The following DYSF variants were observed in gnomAD, a reference collection of about 807,000 sequenced individuals.
DYSF encodes the protein dystrophy-associated fer-1-like 1.
A neutral mutation model predicts 274.9 loss-of-function variants in DYSF; 212 were observed. The observed-to-expected ratio is 0.77, with a 90% CI of 0.69 to 0.86. The LOEUF is 0.86. Among genes scored for constraint, DYSF ranks in the 40% least tolerant of loss-of-function variants. The pLI is 0.00. For synonymous variants in DYSF, 1,091 were observed against 1,078.7 expected (o/e 1.01, Z -0.22); for missense variants, 2,666 against 2,783.2 (o/e 0.96, Z 0.95).
chr2:71,649,347 A>C (rs1053788050), intron 42 of DYSF, among the ~76,000 whole-genome samples: 1 of 152,138 alleles, frequency 6.6e-6, no homozygotes, highest in Non-Finnish European at 1.5e-5. Context: ...TGATAAAATA[A>C]ATACAGTGGA....
intron 42 of DYSF, among the ~76,000 whole-genome samples, chr2:71,651,916 A>C (rs1331396767): frequency 3.3e-5 from 5 of 152,230 alleles, no homozygotes; most frequent in Non-Finnish European, 5.9e-5. Flanking sequence ...GTTGGTGCTG[A>C]AAAGCATTCA....
chr2:71,613,507 C>A (rs944486649), intron 40 of DYSF, 97 bp downstream of exon 40: 94 of 1,045,716 alleles, frequency 9.0e-5, no homozygotes, highest in Non-Finnish European at 1.2e-4. Flanking sequence ...TATCACACAG[C>A]CTCTATACAC....
chr2:71,524,793 C>G (rs1277938693), intron 12 of DYSF, among the ~76,000 whole-genome samples: 1 of 152,246 alleles, frequency 6.6e-6, no homozygotes. Flanking sequence ...ATCCAGGTCT[C>G]AAGCTGGGAA....
At chr2:71,480,236 AT>A (rs2082771881) in intron 1 of DYSF, among the ~76,000 whole-genome samples, 1 of 152,226 alleles carries the variant, frequency 6.6e-6, no homozygotes, top group African/African-American at 2.4e-5. Flanking sequence ...GAGATTGTTC[AT>A]TGTTAGAATT....
chr2:71,649,746 A>G (rs2094624830), intron 42 of DYSF, among the ~76,000 whole-genome samples: 1 of 152,230 alleles, frequency 6.6e-6, no homozygotes, highest in African/African-American at 2.4e-5. Flanking sequence ...CTATATAATT[A>G]AACAAGTAAA....
chr2:71,516,114 C>A, intron 8 of DYSF, 66 bp from the exon 9 acceptor site: 1 of 1,507,104 alleles, frequency 6.6e-7, no homozygotes, highest in Non-Finnish European at 9.2e-7. Flanking sequence ...GGGTGGTGGT[C>A]CTCCCTCTCC....
At chr2:71,461,490 G>A (rs1004110447) in intron 1 of DYSF, among the ~76,000 whole-genome samples, 1 of 152,224 alleles carries the variant, frequency 6.6e-6, no homozygotes, top group Non-Finnish European at 1.5e-5. Flanking sequence ...GAGAGCGAGA[G>A]GTGGAATGGC....
At chr2:71,582,835 T>C (rs1385259540) in intron 30 of DYSF, among the ~76,000 whole-genome samples, 1 of 151,982 alleles carries the variant, frequency 6.6e-6, no homozygotes, top group Non-Finnish European at 1.5e-5. Context: ...CACAGATACA[T>C]GAGATGGAAG....
chr2:71,535,239 C>T, intron 15 of DYSF, 29 bp from the exon 16 acceptor site: 3 of 1,612,804 alleles, frequency 1.9e-6, no homozygotes, highest in Non-Finnish European at 2.5e-6. Flanking sequence ...AAGGACTCTT[C>T]TCCCAACACG....
At position 71,611,667 on chromosome 2, in the gene DYSF, G is replaced by A; in HGVS notation, c.4221+41G>A. ...CTACTGTCCCCTTCCAGAGTCCTGG[G>A]GCTAGAAGTTCTACATGTCCCCGAG... is the stretch of plus-strand genomic sequence containing the variant. On this transcript the variant is annotated intron_variant, in intron 38 of 55. Coordinates refer to ENST00000410020, the MANE Select transcript of DYSF (RefSeq NM_001130987.2). 3 of 1,604,468 alleles carry A rather than the reference G, an allele frequency of 1.9e-6. No individual in the cohort carries two copies. The African/African-American group carries it at 4.0e-5, about 21-fold the overall frequency.
chr2:71,678,367 A>G (rs1456158294), intron 52 of DYSF, among the ~76,000 whole-genome samples: 1 of 152,336 alleles, frequency 6.6e-6, no homozygotes, highest in African/African-American at 2.4e-5. Context: ...TTAAAAAAAC[A>G]CTACTGATAT....
intron 24 of DYSF, 131 bp from the exon 25 acceptor site, chr2:71,567,820 A>T (rs2092192511): frequency 7.3e-7 from 1 of 1,375,908 alleles, no homozygotes; most frequent in Non-Finnish European, 9.9e-7. Flanking sequence ...AAGCGCTCCC[A>T]CAGGGGACAC....
chr2:71,453,592 G>T lies in DYSF; in HGVS notation c.-407G>T, dbSNP rs2080929194. 3 of 323,244 alleles carry T rather than the reference G, an allele frequency of 9.3e-6. 1 individual carries two copies. The highest frequency in any genetic ancestry group is 5.2e-5 in the South Asian group (2 of 38,348). The allele number at this position is 323,244 out of a possible 1,614,324, so 20.0% of individuals were successfully genotyped here. ...GAGCGAGATCTGGGCTACGCCGGGCGCCCGGAGCCCTAGTCCAGCCCCCGG... is the reference window on the plus strand; with the variant it reads ...GAGCGAGATCTGGGCTACGCCGGGCTCCCGGAGCCCTAGTCCAGCCCCCGG... On this transcript the variant is annotated 5_prime_UTR_variant, in exon 1 of 55. Coordinates refer to the DYSF transcript ENST00000258104.
At chr2:71,515,474 G>C (rs1049369317) in intron 7 of DYSF, 149 bp from the exon 8 acceptor site, 2 of 1,171,694 alleles carry the variant, frequency 1.7e-6, no homozygotes, top group Admixed American at 1.9e-5. Flanking sequence ...ATGATAGTTC[G>C]TATAATGCTC....
At chr2:71,591,491 C>T (rs748525205) in intron 32 of DYSF, among the ~76,000 whole-genome samples, 6 of 152,250 alleles carry the variant, frequency 3.9e-5, no homozygotes, top group Non-Finnish European at 8.8e-5. Flanking sequence ...TGTGCCCAGG[C>T]GTTTTGCTGA....
At chr2:71,486,104 G>A (rs1283319347) in intron 3 of DYSF, among the ~76,000 whole-genome samples, 1 of 152,064 alleles carries the variant, frequency 6.6e-6, no homozygotes, top group African/African-American at 2.4e-5. Flanking sequence ...GGCCTCTCCA[G>A]TTGGTGGGTT....
At chr2:71,669,080 T>G in intron 49 of DYSF, 32 bp from the exon 50 acceptor site, 1 of 1,546,252 alleles carries the variant, frequency 6.5e-7, no homozygotes, top group Admixed American at 1.9e-5. Context: ...TGGTAGGAAA[T>G]CTAGGTGGAT....
chr2:71,557,253 C>A (rs183006241), intron 22 of DYSF, among the ~76,000 whole-genome samples: 8 of 152,234 alleles, frequency 5.3e-5, no homozygotes, highest in African/African-American at 1.9e-4. Context: ...AGGTGCATCT[C>A]ATTCCCACAA....
At chr2:71,629,843 A>G (rs929905918) in intron 41 of DYSF, among the ~76,000 whole-genome samples, 10 of 152,192 alleles carry the variant, frequency 6.6e-5, no homozygotes, top group Non-Finnish European at 1.0e-4. Flanking sequence ...CTGGAAATCA[A>G]TGTCTTTATT....
Sources: gnomAD v4.1 joint callset for allele counts (sites outside exome capture counted in the v4.1 genomes callset) on GRCh38, gnomAD v4.1.1 for gene constraint, MANE v1.5 for transcripts, NCBI Gene and HGNC (gene_info 2026-07-23, HGNC 2026-07-21) for gene names.